RNF40: variants seen among roughly 807,000 people sequenced by gnomAD.
RNF40 encodes ring finger protein 40.
RNF40 carries 39 observed loss-of-function variants against 123.3 expected under a neutral mutation model. The ratio of observed to expected loss-of-function variants is 0.32; its 90% confidence interval spans 0.24 to 0.41. The LOEUF is 0.41. Ranked by LOEUF, RNF40 falls within the 10% of genes least tolerant of loss-of-function variation. The probability of loss-of-function intolerance (pLI) is 1.00; values close to 1 mark genes in which losing one functional copy is unlikely to be tolerated. For synonymous variants in RNF40, 538 were observed against 526.0 expected, an observed-to-expected ratio of 1.02 and a Z score of -0.31; for missense variants, 1,003 against 1,319.9, an observed-to-expected ratio of 0.76 and a Z score of 3.72.
chr16:30,762,348 G>C lies in RNF40; in HGVS notation c.-84G>C, dbSNP rs573409329. ...AAATCCAAGATGGCGGCGCTAGGCTGACCCTCCTGCTGGTGAGGGCTCTGG... is the reference window on the plus strand; with the variant it reads ...AAATCCAAGATGGCGGCGCTAGGCTCACCCTCCTGCTGGTGAGGGCTCTGG... On this transcript the variant is annotated 5_prime_UTR_variant, in exon 1 of 20. It removes the in-frame stop codon of an upstream open reading frame in the 5' UTR. Coordinates refer to ENST00000324685, the MANE Select transcript of RNF40 (RefSeq NM_014771.4). The C allele has an allele frequency of 3.6e-6, 2 of 553,612 alleles. No homozygotes were observed. Among genetic ancestry groups the C allele is most frequent in the Middle Eastern group, 4.7e-4 (1 of 2,126 alleles). 34.3% of individuals were successfully genotyped at this position (553,612 alleles called of 1,614,324 possible).
At position 30,771,823 on chromosome 16, in the gene RNF40, C is replaced by T. The variant is rs759594183; in HGVS notation, c.2587-10C>T. 6.4e-7 allele frequency: 1 copy of T among 1,558,982 alleles called. No homozygotes were observed. Among genetic ancestry groups the T allele is most frequent in the Non-Finnish European group, 8.7e-7 (1 of 1,152,358 alleles). ...AGACCAGTGCCTCCTTCCTGTTCCA[C>T]CCTACTCAGGCTGTAGAAGCCGCCC... On this transcript the variant is annotated splice_polypyrimidine_tract_variant and intron_variant, in intron 17 of 19. Transcript: ENST00000324685.
chr16:30,773,569 T>C (rs767163236), intron 19 of RNF40: 5 of 187,680 alleles, frequency 2.7e-5, no homozygotes, highest in Non-Finnish European at 5.5e-5. Flanking sequence ...ATTCCAGCTG[T>C]GACTTAGCAA....
chr16:30,766,022 A>AG lies in RNF40; in HGVS notation c.994-139dup, dbSNP rs1223783654. ...TTCTCCCATTTTTCTGGGAGCCCTT[A>AG]GGAAAGTACTTGGTTTGGGGTGTCA... On this transcript the variant is annotated intron_variant, in intron 8 of 19. Coordinates refer to ENST00000324685, the MANE Select transcript of RNF40 (RefSeq NM_014771.4). This position sits in a 1 kb window ranked among gnomAD's most constrained non-coding sequence, Gnocchi z 5.4. 4 of 1,177,078 alleles carry AG rather than the reference A, an allele frequency of 3.4e-6. No individual in the cohort carries two copies. The highest frequency in any genetic ancestry group is 4.9e-6 in the Non-Finnish European group (4 of 818,644). 72.9% of individuals were successfully genotyped at this position (1,177,078 alleles called of 1,614,324 possible).
chr16:30,767,044 G>A (rs1301189696), intron 11 of RNF40, among the ~76,000 whole-genome samples, 168 bp downstream of exon 11: 1 of 152,216 alleles, frequency 6.6e-6, no homozygotes, highest in Admixed American at 6.5e-5. Context: ...GCACAGTGAG[G>A]GTCCGCCAGC....
chr16:30,761,837 CG>C, upstream of RNF40: 1 of 1,259,372 alleles, frequency 7.9e-7, no homozygotes, highest in Middle Eastern at 2.7e-4. Flanking sequence ...CTACCAAGGC[CG>C]GGCCCGTTCG....
At position 30,762,620 on chromosome 16, in the gene RNF40, G is replaced by C. The variant is rs147367477; in HGVS notation, c.75G>C (p.Glu25Asp). The C allele has an allele frequency of 3.7e-6, 6 of 1,611,824 alleles. No homozygotes were observed. In the African/African-American group the frequency reaches 6.7e-5, roughly 18 times the overall value. Residue 25 changes from glutamate (E) to aspartate (D), a missense_variant, in exon 2 of 20, where the codon GAG becomes GAC. Glu to Asp is a conservative substitution (Grantham distance 45). Transcript: ENST00000324685. ...SGPPEKKLSR[E>D]EKTTTTLIEP... ...CCCCGGAAAAGAAGCTGAGTCGTGA[G>C]GAGAAGACCACCACGACTCTTATCG...
Position 30,776,180 on chromosome 16 carries a change from A to G in RNF40, c.*2066A>G, listed in dbSNP as rs1467762734. The G allele has an allele frequency of 6.6e-6, 1 of 152,152 alleles. No homozygotes were observed. The highest frequency in any genetic ancestry group is 1.5e-5 in the Non-Finnish European group (1 of 68,022). The allele number at this position is 152,152 out of a possible 1,614,324, so 9.4% of individuals were successfully genotyped here. A position where few individuals can be genotyped will look rare whatever the true frequency, so the allele number is the denominator to read the frequency against. ...GGAGTAGCCTTCGCCTGGGCTCTTG[A>G]GTAGATGCCAAGTAATTCCGCATCG... is the stretch of plus-strand genomic sequence containing the variant. On this transcript the variant is annotated 3_prime_UTR_variant, in exon 20 of 20. Transcript: ENST00000324685.
Position 30,766,986 on chromosome 16 carries a change from A to G in RNF40, c.1429+110A>G. ...GAGGCTAAGGCCTTTTTTTTCACAG[A>G]GCCTCGGCTTCCTATGCAAAACAGG... On this transcript the variant is annotated intron_variant, in intron 11 of 19. Coordinates refer to ENST00000324685, the MANE Select transcript of RNF40 (RefSeq NM_014771.4). This position sits in a 1 kb window ranked among gnomAD's most constrained non-coding sequence, Gnocchi z 5.4. The G allele has an allele frequency of 7.3e-7, 1 of 1,369,558 alleles. No individual in the cohort carries two copies. The highest frequency in any genetic ancestry group is 2.5e-5 in the East Asian group (1 of 40,422). The allele number at this position is 1,369,558 out of a possible 1,614,324, so 84.8% of individuals were successfully genotyped here. A position where few individuals can be genotyped will look rare whatever the true frequency, so the allele number is the denominator to read the frequency against.
rs1187904271 is a variant in RNF40 at position 30,767,905 on chromosome 16, C to T, written c.1441C>T (p.Arg481Cys). 2 of 1,614,138 alleles carry T rather than the reference C, an allele frequency of 1.2e-6. No homozygotes were observed. The highest frequency in any genetic ancestry group is 1.7e-6 in the Non-Finnish European group (2 of 1,180,040). Residue 481 changes from arginine to cysteine, a missense_variant, in exon 12 of 20, where the codon CGT becomes TGT. Around this residue, in one of 11 missense-constraint regions of RNF40, gnomAD observed 30 missense variants for 68.9 expected, o/e 0.44. Coordinates refer to ENST00000324685, the MANE Select transcript of RNF40 (RefSeq NM_014771.4). ...TGATGCTCCTCCAGGGCCCATCAAC[C>T]GTGAGATGCGCCACCTGATTAGTAG... ...AANEQAGPIN[R>C]EMRHLISSLQ...
Position 30,775,142 on chromosome 16 carries a change from G to T in RNF40, c.*1028G>T. The stretch of plus-strand genomic sequence containing the variant: ...CACAGCCTCTGTTCTAGAGATGCTT[G>T]TATAGGCTGTTAATTGTGATGAATA... On this transcript the variant is annotated 3_prime_UTR_variant, in exon 20 of 20. Coordinates refer to ENST00000324685, the MANE Select transcript of RNF40 (RefSeq NM_014771.4). 1 of 403,848 alleles carries T rather than the reference G, an allele frequency of 2.5e-6. No homozygotes were observed. The highest frequency in any genetic ancestry group is 4.9e-6 in the Non-Finnish European group (1 of 203,482). The allele number at this position is 403,848 out of a possible 1,614,324, so 25.0% of individuals were successfully genotyped here.
Position 30,774,205 on chromosome 16 carries a change from C to T in RNF40, c.*91C>T. On this transcript the variant is annotated 3_prime_UTR_variant, in exon 20 of 20. Transcript: ENST00000324685. Reference sequence around the variant, plus strand: ...CCCCAGGTCTAGTGGCCCCACCCTCCATTCCGGACCCCATGGGCCCAGCCC... The same window carrying T: ...CCCCAGGTCTAGTGGCCCCACCCTCTATTCCGGACCCCATGGGCCCAGCCC... 1 of 1,366,242 alleles carries T rather than the reference C, an allele frequency of 7.3e-7. No homozygotes were observed. Among genetic ancestry groups the T allele is most frequent in the South Asian group, 1.4e-5 (1 of 69,950 alleles). The allele number at this position is 1,366,242 out of a possible 1,614,324, so 84.6% of individuals were successfully genotyped here.
At chr16:30,761,891 G>T, upstream of RNF40, 1 of 801,082 alleles carries the variant, frequency 1.2e-6, no homozygotes, top group Non-Finnish European at 1.9e-6. Context: ...GCGGCGGGGC[G>T]AATCCGTGGG....
chr16:30,776,084 C>T lies in RNF40; in HGVS notation c.*1970C>T, dbSNP rs1048669718. On this transcript the variant is annotated 3_prime_UTR_variant, in exon 20 of 20. Transcript: ENST00000324685. ...CGGCCACCTTCGCCCCTGGAGAGCG[C>T]CAGTCTCAGGAGCGCCGCACCGGTC... The T allele has an allele frequency of 6.6e-6, 1 of 152,234 alleles. No homozygotes were observed. Among genetic ancestry groups the T allele is most frequent in the African/African-American group, 2.4e-5 (1 of 41,466 alleles). 9.4% of individuals were successfully genotyped at this position (152,234 alleles called of 1,614,324 possible).
intron 17 of RNF40, among the ~76,000 whole-genome samples, chr16:30,771,427 C>CT (rs2054145962): frequency 6.6e-6 from 1 of 151,954 alleles, no homozygotes; most frequent in South Asian, 2.1e-4. Flanking sequence ...ACCATCCTGG[C>CT]TAACACGGTG....
At position 30,762,654 on chromosome 16, in the gene RNF40, C is replaced by T; in HGVS notation, c.109C>T (p.Arg37Cys). Reference protein sequence around the residue: ...KTTTTLIEPIRLGGISSTEEM... With the variant: ...KTTTTLIEPICLGGISSTEEM... ...CACCACGACTCTTATCGAGCCCATT[C>T]GTCTTGGAGGCATCTCTTCCACGGT... The change falls in exon 2 of 20, where the codon CGT becomes TGT. Residue 37 changes from arginine (R) to cysteine (C), a missense_variant. Physicochemically the swap from Arg to Cys is radical, Grantham distance 180. This residue lies in a region of RNF40 where 51 missense variants were observed against 56.2 expected (regional missense o/e 0.91). Transcript: ENST00000324685. 1.2e-6 allele frequency: 2 copies of T among 1,612,918 alleles called. No homozygotes were observed. The highest frequency in any genetic ancestry group is 1.7e-6 in the Non-Finnish European group (2 of 1,179,720).
chr16:30,766,490 C>T lies in RNF40; in HGVS notation c.1225C>T (p.Leu409=), dbSNP rs1038589328. 1 of 1,613,596 alleles carries T rather than the reference C, an allele frequency of 6.2e-7. No individual in the cohort carries two copies. Among genetic ancestry groups the T allele is most frequent in the African/African-American group, 1.3e-5 (1 of 74,916 alleles). Residue 409 remains leucine, a synonymous_variant, in exon 10 of 20, where the codon CTA becomes TTA. Transcript: ENST00000324685. The surrounding 1 kb of genome is among the most constrained non-coding windows in gnomAD (Gnocchi z 5.4). The part of the protein sequence containing the change: ...YNESLQVKTQ[L]DEARGLLLAT... ...CGAGTCTCTGCAAGTGAAGACCCAG[C>T]TAGACGAGGCTCGGGGCCTGCTGCT...
At chr16:30,770,740 C>T (rs1360391324) in intron 17 of RNF40, among the ~76,000 whole-genome samples, 1 of 152,110 alleles carries the variant, frequency 6.6e-6, no homozygotes, top group Non-Finnish European at 1.5e-5. Flanking sequence ...TAGACGGAGT[C>T]TAGCTCTGTT....
At position 30,763,264 on chromosome 16, in the gene RNF40, C is replaced by T. The variant is rs781760737; in HGVS notation, c.279C>T (p.Ile93=). 15 of 1,614,064 alleles carry T rather than the reference C, an allele frequency of 9.3e-6. No homozygotes were observed. In the Admixed American group the frequency reaches 1.0e-4, roughly 11 times the overall value. The change falls in exon 3 of 20, where the codon ATC becomes ATT. Residue 93 remains isoleucine (I), a synonymous_variant. Transcript: ENST00000324685. ...RQATDDATLL[I]VNRYWAQLDE... is the part of the protein sequence containing the mutation. ...CCACAGATGATGCCACACTCCTCAT[C>T]GTCAATCGCTACTGGGCCCAGGTGG...
rs545247413 is a variant in RNF40, at chr16:30,763,108, C to A, written c.133-10C>A. ...GACGCTCTCGTCGGCCCCTTTGTTT[C>A]CTTTGGTAGGAGGAGATGGACCTGA... On this transcript the variant is annotated splice_polypyrimidine_tract_variant and intron_variant, in intron 2 of 19. Coordinates refer to ENST00000324685, the MANE Select transcript of RNF40 (RefSeq NM_014771.4). 3 of 1,613,332 alleles carry A rather than the reference C, an allele frequency of 1.9e-6. No homozygotes were observed. Among genetic ancestry groups the A allele is most frequent in the Non-Finnish European group, 2.5e-6 (3 of 1,179,892 alleles).
Sources: gnomAD v4.1 joint callset for allele counts (sites outside exome capture counted in the v4.1 genomes callset) on GRCh38, gnomAD v4.1.1 for gene constraint, gnomAD v4.1.1 regional missense constraint, Gnocchi (gnomAD v3.1) non-coding constraint, MANE v1.5 for transcripts, NCBI Gene and HGNC (gene_info 2026-07-23, HGNC 2026-07-21) for gene names.